The following TRMT11 variants were observed in gnomAD, a reference collection of about 807,000 sequenced individuals.
TRMT11 encodes the protein tRNA methyltransferase 11.
Under a neutral mutation model 62.8 loss-of-function variants are expected in TRMT11, and 53 were observed. That is an observed-to-expected ratio of 0.84 (90% confidence interval 0.68 to 1.06). TRMT11 has a LOEUF of 1.06. Among genes scored for constraint, TRMT11 ranks in the 50% least tolerant of loss-of-function variants. TRMT11 has a pLI of 0.00. For missense variants in TRMT11, 556 were observed against 553.4 expected, an observed-to-expected ratio of 1.00 and a Z score of -0.05; for synonymous variants, 188 against 190.3, an observed-to-expected ratio of 0.99 and a Z score of 0.10.
downstream of TRMT11, among the ~76,000 whole-genome samples, chr6:126,207,753 AAG>A (rs1286959249): frequency 2.6e-5 from 4 of 152,196 alleles, no homozygotes; most frequent in Admixed American, 1.3e-4. Context: ...TTTTGCCAGC[AAG>A]TGCATTATGC....
intron 16 of TRMT11, among the ~76,000 whole-genome samples, chr6:126,049,026 G>T (rs1321784564): frequency 6.6e-6 from 1 of 152,170 alleles, no homozygotes; most frequent in African/African-American, 2.4e-5. Context: ...ACTCAATCAT[G>T]GGCTACAGTC....
At chr6:126,134,284 C>T (rs961288799) in intron 21 of TRMT11, among the ~76,000 whole-genome samples, 4 of 151,624 alleles carry the variant, frequency 2.6e-5, no homozygotes, top group Non-Finnish European at 5.9e-5. Context: ...CATACATAGA[C>T]TGAAAGTGAA....
chr6:126,219,400 A>G, the TRMT11 span, among the ~76,000 whole-genome samples: 1 of 152,118 alleles, frequency 6.6e-6, no homozygotes, highest in Non-Finnish European at 1.5e-5. Context: ...TTGTACCTGC[A>G]AGTTTAGTCT....
chr6:126,159,925 G>A (rs1778169923), intron 21 of TRMT11, among the ~76,000 whole-genome samples: 1 of 152,098 alleles, frequency 6.6e-6, no homozygotes, highest in Non-Finnish European at 1.5e-5. Flanking sequence ...AAGTCAACAG[G>A]AATTGGAAGG....
At chr6:126,120,722 T>C (rs2128196044) in intron 21 of TRMT11, among the ~76,000 whole-genome samples, 1 of 152,222 alleles carries the variant, frequency 6.6e-6, no homozygotes, top group South Asian at 2.1e-4. Context: ...TAGATGGAGG[T>C]TAGCATCAAG....
downstream of TRMT11, among the ~76,000 whole-genome samples, chr6:126,207,901 A>C (rs900655691): frequency 1.3e-5 from 2 of 152,246 alleles, no homozygotes; most frequent in African/African-American, 4.8e-5. Context: ...TGATTAAAGA[A>C]ATAGAAAAAT....
intron 12 of TRMT11, among the ~76,000 whole-genome samples, chr6:126,036,373 A>G (rs1309336297): frequency 6.6e-6 from 1 of 152,112 alleles, no homozygotes; most frequent in Non-Finnish European, 1.5e-5. Flanking sequence ...CTCAGTATGG[A>G]GAATACACTA....
intron 17 of TRMT11, among the ~76,000 whole-genome samples, chr6:126,056,030 T>C (rs1352119906): frequency 6.6e-6 from 1 of 152,204 alleles, no homozygotes; most frequent in Non-Finnish European, 1.5e-5. Flanking sequence ...TGTGAAGCCA[T>C]CATTGAAGCA....
chr6:126,197,558 G>A (rs1778680680), intron 1 of TRMT11, among the ~76,000 whole-genome samples: 1 of 152,108 alleles, frequency 6.6e-6, no homozygotes, highest in South Asian at 2.1e-4. Context: ...CTGATGGCCA[G>A]TTCAATCCAT....
At chr6:126,154,435 G>A (rs1464501681) in intron 21 of TRMT11, among the ~76,000 whole-genome samples, 2 of 151,930 alleles carry the variant, frequency 1.3e-5, no homozygotes, top group South Asian at 2.1e-4. Context: ...GTATGGAAAA[G>A]TTTTACTGTA....
intron 16 of TRMT11, among the ~76,000 whole-genome samples, chr6:126,047,645 G>A (rs1273964144): frequency 6.6e-6 from 1 of 152,174 alleles, no homozygotes; most frequent in Non-Finnish European, 1.5e-5. Context: ...ACACTTAGCT[G>A]TCCACAGACG....
chr6:126,081,225 G>C (rs1013532666), intron 17 of TRMT11, among the ~76,000 whole-genome samples: 2 of 152,154 alleles, frequency 1.3e-5, no homozygotes, highest in Non-Finnish European at 2.9e-5. Context: ...CTTGGCACTT[G>C]GTGTGTAGCT....
At chr6:126,243,104 C>T in the TRMT11 span, among the ~76,000 whole-genome samples, 1 of 151,996 alleles carries the variant, frequency 6.6e-6, no homozygotes. Flanking sequence ...ATCAAACGAC[C>T]CCATCAAAAA....
At chr6:126,086,893 G>T (rs1369427541) in intron 17 of TRMT11, among the ~76,000 whole-genome samples, 5 of 152,130 alleles carry the variant, frequency 3.3e-5, no homozygotes, top group African/African-American at 9.7e-5. Flanking sequence ...TCTGAGAAGG[G>T]TTTCCTCTCT....
chr6:126,018,993 G>A (rs1795406497), intron 11 of TRMT11, among the ~76,000 whole-genome samples: 1 of 152,036 alleles, frequency 6.6e-6, no homozygotes. Flanking sequence ...CGATTCTCCT[G>A]CCTCAGCCTC....
downstream of TRMT11, among the ~76,000 whole-genome samples, chr6:126,208,706 A>G (rs1013362786): frequency 6.6e-6 from 1 of 152,242 alleles, no homozygotes; most frequent in Non-Finnish European, 1.5e-5. Context: ...TTCAATAGTC[A>G]TATATATTTA....
the TRMT11 span, among the ~76,000 whole-genome samples, chr6:126,260,538 G>A: frequency 6.6e-5 from 10 of 152,202 alleles, no homozygotes; most frequent in African/African-American, 1.9e-4. Flanking sequence ...ATACCTTCAC[G>A]TGTTTTCATG....
chr6:126,066,636 G>A (rs1461728195), intron 17 of TRMT11, among the ~76,000 whole-genome samples: 1 of 152,030 alleles, frequency 6.6e-6, no homozygotes, highest in Non-Finnish European at 1.5e-5. Context: ...TAAATTTTGG[G>A]GAGACACAAT....
chr6:125,996,175 G>A (rs1318705777), intron 3 of TRMT11, 135 bp downstream of exon 3: 4 of 568,452 alleles, frequency 7.0e-6, no homozygotes, highest in African/African-American at 3.8e-5. Flanking sequence ...CTGGGTGGCG[G>A]TGGGGGACCA....
Sources: gnomAD v4.1 joint callset for allele counts (sites outside exome capture counted in the v4.1 genomes callset) on GRCh38, gnomAD v4.1.1 for gene constraint, MANE v1.5 for transcripts, NCBI Gene and HGNC (gene_info 2026-07-23, HGNC 2026-07-21) for gene names.